Variants in NIT2 observed in about 807,000 individuals in gnomAD.
NIT2 encodes omega-amidase NIT2.
In NIT2, 46 loss-of-function variants were observed where a neutral mutation model predicts 42.7. The ratio of observed to expected loss-of-function variants is 1.08; its 90% CI spans 0.85 to 1.38. NIT2 has a LOEUF of 1.38. NIT2 is among the 40% of genes most tolerant of loss of function. The probability of loss-of-function intolerance (pLI) is 0.00; values close to 1 mark genes in which losing one functional copy is unlikely to be tolerated. For synonymous variants in NIT2, 123 were observed against 121.9 expected (o/e 1.01, Z -0.06); for missense variants, 309 against 342.5 (o/e 0.90, Z 0.77).
At position 100,360,243 on chromosome 3, in the gene NIT2, C is replaced by T. The variant is rs1251066516; in HGVS notation, c.*4975C>T. The T allele has an allele frequency of 6.6e-6, 1 of 152,240 alleles. No homozygotes were observed. Among genetic ancestry groups the T allele is most frequent in the Non-Finnish European group, 1.5e-5 (1 of 68,064 alleles). 9.4% of individuals were successfully genotyped at this position (152,240 alleles called of 1,614,324 possible). On this transcript the variant is annotated 3_prime_UTR_variant, in exon 10 of 10. Transcript: ENST00000394140. ...AAGAGCCTGGGACGTGATGTAACTTCATATGCTGTAGAGCTGAATATTCAT... is the reference window on the plus strand; with the variant it reads ...AAGAGCCTGGGACGTGATGTAACTTTATATGCTGTAGAGCTGAATATTCAT...
rs1446010964 is a variant in NIT2, at chr3:100,359,867, T to C, written c.*4599T>C. On this transcript the variant is annotated 3_prime_UTR_variant, in exon 10 of 10. Coordinates refer to ENST00000394140, the MANE Select transcript of NIT2 (RefSeq NM_020202.5). Reference sequence around the variant, plus strand: ...CATGCTGTGCCTTTATTTAGATTTGTTGTGGTTGTTTCCCCACATTCTGGA... The same window carrying C: ...CATGCTGTGCCTTTATTTAGATTTGCTGTGGTTGTTTCCCCACATTCTGGA... 1.3e-5 allele frequency: 2 copies of C among 152,258 alleles called. No homozygotes were observed. The highest frequency in any genetic ancestry group is 2.9e-5 in the Non-Finnish European group (2 of 68,060). The allele number at this position is 152,258 out of a possible 1,614,324, so 9.4% of individuals were successfully genotyped here. A position where few individuals can be genotyped will look rare whatever the true frequency, so the allele number is the denominator to read the frequency against.
rs1203325799 is a variant in NIT2 at position 100,355,904 on chromosome 3, T to G, written c.*636T>G. On this transcript the variant is annotated 3_prime_UTR_variant, in exon 10 of 10. Coordinates refer to ENST00000394140, the MANE Select transcript of NIT2 (RefSeq NM_020202.5). ...AGTGGTGGCATTTAGTGAAGACAAT[T>G]TAGTATGAATGTCTGCAAAAGATTT... 1 of 152,176 alleles carries G rather than the reference T, an allele frequency of 6.6e-6. No homozygotes were observed. The highest frequency in any genetic ancestry group is 1.5e-5 in the Non-Finnish European group (1 of 68,044). 9.4% of individuals were successfully genotyped at this position (152,176 alleles called of 1,614,324 possible).
At chr3:100,345,514 GA>G (rs1249702713) in intron 4 of NIT2, 70 bp from the exon 5 acceptor site, 8 of 1,040,534 alleles carry the variant, frequency 7.7e-6, no homozygotes, top group Non-Finnish European at 7.4e-6. Flanking sequence ...TCTGCCCGGG[GA>G]AAGATATTGT....
rs556821220 is a variant in NIT2 at position 100,336,045 on chromosome 3, C to T, written c.7+1247C>T. Among the ~76,000 whole-genome samples the T allele has an allele frequency of 2.2e-4, 33 of 152,242 alleles. No individual in the cohort carries two copies. In the South Asian group the frequency reaches 5.6e-3, roughly 26 times the overall value. On this transcript the variant is annotated intron_variant, in intron 1 of 9. Transcript: ENST00000394140. ...AGCTTTTATTTCCTGTTTTAGTTTC[C>T]CTTCAGATTCTATAACTATTTAGCA...
At chr3:100,353,076 T>C (rs1706290517) in intron 8 of NIT2, among the ~76,000 whole-genome samples, 1 of 152,242 alleles carries the variant, frequency 6.6e-6, no homozygotes, top group Non-Finnish European at 1.5e-5. Context: ...TTGTACAGTT[T>C]ACATCCTACT....
rs571817732 is a variant in NIT2 at position 100,355,577 on chromosome 3, A to G, written c.*309A>G. On this transcript the variant is annotated 3_prime_UTR_variant, in exon 10 of 10. Transcript: ENST00000394140. ...TATCCTGGTGATTGATTCACCTAAT[A>G]TAAATATATTTGTGTCATGAACCTC... 2 of 258,406 alleles carry G rather than the reference A, an allele frequency of 7.7e-6. No homozygotes were observed. Among genetic ancestry groups the G allele is most frequent in the South Asian group, 1.9e-4 (2 of 10,774 alleles). The allele number at this position is 258,406 out of a possible 1,614,324, so 16.0% of individuals were successfully genotyped here.
At chr3:100,339,716 G>A in intron 2 of NIT2, 99 bp from the exon 3 acceptor site, 1 of 1,221,704 alleles carries the variant, frequency 8.2e-7, no homozygotes, top group Non-Finnish European at 1.2e-6. Context: ...CCCTTCGACT[G>A]AAAGCAGAGC....
chr3:100,335,764 G>A (rs1004198941), intron 1 of NIT2, among the ~76,000 whole-genome samples: 3 of 152,222 alleles, frequency 2.0e-5, no homozygotes, highest in Non-Finnish European at 4.4e-5. Flanking sequence ...AACAGTTTGG[G>A]AAGCTGAGGC....
chr3:100,339,974 A>T (rs746096252), intron 3 of NIT2, 39 bp downstream of exon 3: 3 of 1,579,650 alleles, frequency 1.9e-6, no homozygotes, highest in Admixed American at 3.5e-5. Flanking sequence ...CCTAAACATT[A>T]GAAACATCTG....
At position 100,346,275 on chromosome 3, in the gene NIT2, G is replaced by A. The variant is rs1706216429; in HGVS notation, c.505+20G>A. On this transcript the variant is annotated intron_variant, in intron 6 of 9. Coordinates refer to ENST00000394140, the MANE Select transcript of NIT2 (RefSeq NM_020202.5). Reference sequence around the variant, plus strand: ...AGAGAGGTGAGGCAGTGTAATAGCTGTGTTATGTGGGTGCTTGGAGGCTTG... The same window carrying A: ...AGAGAGGTGAGGCAGTGTAATAGCTATGTTATGTGGGTGCTTGGAGGCTTG... 1 of 1,610,580 alleles carries A rather than the reference G, an allele frequency of 6.2e-7. No individual in the cohort carries two copies. Among genetic ancestry groups the A allele is most frequent in the Admixed American group, 1.7e-5 (1 of 59,914 alleles).
chr3:100,352,380 C>T lies in NIT2; in HGVS notation c.585-24C>T, dbSNP rs369507560. ...GTCAGATTTATAATGTACGATTTAC[C>T]TCTTTCCTGTCTATTGACTACAGGG... On this transcript the variant is annotated intron_variant, in intron 7 of 9. Coordinates refer to ENST00000394140, the MANE Select transcript of NIT2 (RefSeq NM_020202.5). The T allele has an allele frequency of 1.1e-4, 169 of 1,559,926 alleles. 1 individual carries two copies. In the South Asian group the frequency reaches 1.6e-3, roughly 15 times the overall value.
At chr3:100,350,006 A>G (rs1706257814) in intron 7 of NIT2, 1 of 152,176 alleles carries the variant, frequency 6.6e-6, no homozygotes, top group Admixed American at 6.5e-5. Flanking sequence ...TTAAGCATAG[A>G]GGTTGGTGAA....
At chr3:100,341,355 C>G (rs1322032801) in intron 4 of NIT2, among the ~76,000 whole-genome samples, 194 bp downstream of exon 4, 1 of 152,122 alleles carries the variant, frequency 6.6e-6, no homozygotes, top group Non-Finnish European at 1.5e-5. Flanking sequence ...CTGTCAATTT[C>G]TGCAAAGGAA....
intron 2 of NIT2, among the ~76,000 whole-genome samples, 174 bp downstream of exon 2, chr3:100,339,379 T>G (rs1218617747): frequency 6.6e-6 from 1 of 152,188 alleles, no homozygotes; most frequent in Non-Finnish European, 1.5e-5. Context: ...TGAGATAGGA[T>G]GTGCCAACAC....
chr3:100,357,438 T>C lies in NIT2; in HGVS notation c.*2170T>C, dbSNP rs1706334092. The C allele has an allele frequency of 6.6e-6, 1 of 152,174 alleles. No individual in the cohort carries two copies. Among genetic ancestry groups the C allele is most frequent in the Non-Finnish European group, 1.5e-5 (1 of 68,032 alleles). 9.4% of individuals were successfully genotyped at this position (152,174 alleles called of 1,614,324 possible). ...AAGAATGATCTGGTTGATGTGGATG[T>C]GTGGAACCTAGGAACCTTCTCTTGG... On this transcript the variant is annotated 3_prime_UTR_variant, in exon 10 of 10. Transcript: ENST00000394140.
chr3:100,339,771 G>C, intron 2 of NIT2, 44 bp from the exon 3 acceptor site: 2 of 1,581,858 alleles, frequency 1.3e-6, no homozygotes, highest in Non-Finnish European at 1.7e-6. Context: ...TTTAAAATGG[G>C]TGGGTGTTTT....
intron 4 of NIT2, among the ~76,000 whole-genome samples, chr3:100,341,960 T>C (rs1706160386): frequency 6.6e-6 from 1 of 152,048 alleles, no homozygotes; most frequent in Non-Finnish European, 1.5e-5. Flanking sequence ...GGAGAATTGC[T>C]TGAACCCAGG....
intron 4 of NIT2, among the ~76,000 whole-genome samples, chr3:100,341,366 C>T (rs1706148808): frequency 6.6e-6 from 1 of 152,070 alleles, no homozygotes; most frequent in Non-Finnish European, 1.5e-5. Context: ...TGCAAAGGAA[C>T]AAGCTATAGT....
At chr3:100,344,724 C>T (rs182419239) in intron 4 of NIT2, among the ~76,000 whole-genome samples, 18 of 152,172 alleles carry the variant, frequency 1.2e-4, no homozygotes, top group African/African-American at 3.9e-4. Context: ...TGGCTCACTG[C>T]AACCTCCACC....
Sources: allele counts gnomAD v4.1 joint callset (sites outside exome capture counted in the v4.1 genomes callset), GRCh38; gene constraint gnomAD v4.1.1; transcripts MANE v1.5; gene names NCBI Gene and HGNC (gene_info 2026-07-23, HGNC 2026-07-21).